NEBL: variants seen among roughly 807,000 people sequenced by gnomAD.
The protein encoded by NEBL is LIM and SH3 protein 2.
Under a neutral mutation model 140.2 loss-of-function variants are expected in NEBL, and 122 were observed. That is an observed-to-expected ratio of 0.87 (90% CI 0.75 to 1.01). NEBL has a LOEUF of 1.01. Among genes scored for constraint, NEBL ranks in the 50% least tolerant of loss-of-function variants. The pLI, the probability that NEBL is intolerant of heterozygous loss-of-function variation, is 0.00. For missense variants in NEBL, 1,365 were observed against 1,231.3 expected, an observed-to-expected ratio of 1.11 and a Z score of -1.62; for synonymous variants, 436 against 398.9, an observed-to-expected ratio of 1.09 and a Z score of -1.11.
At chr10:20,868,338 GTGTA>G in intron 7 of NEBL, 1 of 284,546 alleles carries the variant, frequency 3.5e-6, no homozygotes. Context: ...GTGTGTGTGT[GTGTA>G]GGTTAAAACA....
intron 1 of NEBL, among the ~76,000 whole-genome samples, chr10:21,291,572 A>T (rs1249933651): frequency 6.6e-6 from 1 of 151,864 alleles, no homozygotes; most frequent in African/African-American, 2.4e-5. Context: ...CTTCCTACTC[A>T]GCACTGGGCT....
intron 3 of NEBL, among the ~76,000 whole-genome samples, chr10:21,236,902 A>G (rs1842360387): frequency 6.6e-6 from 1 of 152,216 alleles, no homozygotes; most frequent in Non-Finnish European, 1.5e-5. Flanking sequence ...ATAACTACCT[A>G]GTAAGATAGG....
chr10:21,101,293 A>G (rs1405685023), intron 2 of NEBL, among the ~76,000 whole-genome samples: 1 of 152,232 alleles, frequency 6.6e-6, no homozygotes, highest in Non-Finnish European at 1.5e-5. Context: ...GCAGCCTCAC[A>G]GTATCGATTC....
chr10:20,812,583 A>G (rs1838267429), intron 24 of NEBL, among the ~76,000 whole-genome samples, 186 bp downstream of exon 24: 1 of 152,066 alleles, frequency 6.6e-6, no homozygotes. Flanking sequence ...AGATGATACC[A>G]GGTGAATGCC....
At chr10:20,950,806 T>C (rs1835421700) in intron 4 of NEBL, among the ~76,000 whole-genome samples, 1 of 152,236 alleles carries the variant, frequency 6.6e-6, no homozygotes, top group African/African-American at 2.4e-5. Flanking sequence ...GGAAATTGAT[T>C]CTATCAAAAA....
upstream of NEBL, chr10:21,174,963 A>G (rs1303154464): frequency 1.3e-5 from 2 of 152,194 alleles, no homozygotes; most frequent in African/African-American, 4.8e-5. Context: ...TTGCAATTCA[A>G]CACCGCAAAG....
intron 4 of NEBL, among the ~76,000 whole-genome samples, chr10:20,918,467 T>G (rs1377037472): frequency 6.6e-6 from 1 of 152,206 alleles, no homozygotes; most frequent in East Asian, 1.9e-4. Flanking sequence ...TAATAAAGAT[T>G]GCATCTTCAG....
intron 2 of NEBL, among the ~76,000 whole-genome samples, chr10:21,144,512 A>C (rs2132108610): frequency 6.6e-6 from 1 of 152,276 alleles, no homozygotes; most frequent in South Asian, 2.1e-4. Flanking sequence ...AATCACCCAA[A>C]GTCAGGAGTT....
intron 5 of NEBL, among the ~76,000 whole-genome samples, chr10:20,877,992 G>A (rs930981213): frequency 1.3e-5 from 2 of 152,128 alleles, no homozygotes; most frequent in African/African-American, 4.8e-5. Context: ...GACATGAGAC[G>A]ATGAACCTCA....
intron 2 of NEBL, among the ~76,000 whole-genome samples, chr10:21,062,688 A>T (rs933515787): frequency 6.9e-5 from 10 of 145,686 alleles, no homozygotes; most frequent in Admixed American, 4.1e-4. Context: ...TCCTGTCTCT[A>T]AAAAAAAAAG....
chr10:20,848,596 C>A (rs1842181292), intron 11 of NEBL, among the ~76,000 whole-genome samples: 1 of 151,594 alleles, frequency 6.6e-6, no homozygotes, highest in Non-Finnish European at 1.5e-5. Flanking sequence ...GCATTAGATT[C>A]TCATAGAAGC....
intron 2 of NEBL, among the ~76,000 whole-genome samples, chr10:21,119,373 A>T (rs1363202176): frequency 1.3e-5 from 2 of 151,736 alleles, no homozygotes; most frequent in African/African-American, 4.8e-5. Flanking sequence ...TTTGCTTTAT[A>T]TACATACACA....
chr10:20,787,431 G>T, intron 26 of NEBL, 123 bp from the exon 27 acceptor site: 2 of 782,740 alleles, frequency 2.6e-6, no homozygotes, highest in Non-Finnish European at 4.4e-6. Context: ...CCTTTTCAGT[G>T]TTGTGAAATT....
chr10:20,891,430 C>T (rs767876932), intron 2 of NEBL, among the ~76,000 whole-genome samples: 30 of 152,194 alleles, frequency 2.0e-4, no homozygotes, highest in Admixed American at 7.2e-4. Context: ...AAAGTATCTC[C>T]GTTATATAAT....
At chr10:21,074,749 A>G (rs140615039) in intron 2 of NEBL, among the ~76,000 whole-genome samples, 2 of 151,868 alleles carry the variant, frequency 1.3e-5, no homozygotes, top group East Asian at 3.9e-4. Context: ...AAGTGCTGGG[A>G]TTATAGGCGT....
intron 2 of NEBL, among the ~76,000 whole-genome samples, chr10:21,088,246 G>T (rs1004502175): frequency 6.6e-6 from 1 of 152,200 alleles, no homozygotes; most frequent in African/African-American, 2.4e-5. Flanking sequence ...CACACCTGTA[G>T]TTCCAACACT....
intron 11 of NEBL, 129 bp from the exon 12 acceptor site, chr10:20,845,497 A>G (rs1415875547): frequency 1.4e-5 from 9 of 623,876 alleles, no homozygotes; most frequent in Non-Finnish European, 2.6e-5. Context: ...GGGTCATCCT[A>G]TCAACAGGGA....
intron 2 of NEBL, among the ~76,000 whole-genome samples, chr10:20,891,666 TTAA>T (rs1847044949): frequency 6.6e-6 from 1 of 152,226 alleles, no homozygotes; most frequent in Admixed American, 6.5e-5. Flanking sequence ...TAGCTCAGTC[TTAA>T]TTGTAGACTC....
At chr10:21,245,393 T>G (rs1281095744) in intron 3 of NEBL, among the ~76,000 whole-genome samples, 1 of 152,232 alleles carries the variant, frequency 6.6e-6, no homozygotes, top group African/African-American at 2.4e-5. Flanking sequence ...ACTGAATACA[T>G]TACATAAGCT....
Sources: allele counts gnomAD v4.1 joint callset (sites outside exome capture counted in the v4.1 genomes callset), GRCh38; gene constraint gnomAD v4.1.1; transcripts MANE v1.5; gene names NCBI Gene and HGNC (gene_info 2026-07-23, HGNC 2026-07-21).